Variants in PACRG observed in about 807,000 individuals in gnomAD.
PACRG encodes parkin coregulated.
A neutral mutation model predicts 29.7 loss-of-function variants in PACRG; 29 were observed. The observed-to-expected ratio is 0.98, with a 90% confidence interval of 0.73 to 1.33. PACRG has a LOEUF of 1.33. Among genes scored for constraint, PACRG ranks in the 40% most tolerant of loss-of-function variants. The pLI, the probability that PACRG is intolerant of heterozygous loss-of-function variation, is 0.00. For synonymous variants in PACRG, 116 were observed against 118.7 expected, an observed-to-expected ratio of 0.98 and a Z score of 0.15; for missense variants, 279 against 316.2, an observed-to-expected ratio of 0.88 and a Z score of 0.89.
At chr6:162,819,737 G>A (rs182158500) in intron 2 of PACRG, among the ~76,000 whole-genome samples, 171 of 152,274 alleles carry the variant, frequency 1.1e-3, no homozygotes, top group African/African-American at 3.7e-3. Context: ...CTCTTGCTTC[G>A]TAGGCCTCAC....
chr6:162,797,979 A>G (rs527649226), intron 1 of PACRG, among the ~76,000 whole-genome samples: 70 of 152,288 alleles, frequency 4.6e-4, no homozygotes, highest in African/African-American at 1.7e-3. Flanking sequence ...AATTCCTGGC[A>G]AGCTATTTGG....
chr6:163,192,079 G>A, intron 4 of PACRG: 1 of 209,210 alleles, frequency 4.8e-6, no homozygotes, highest in Non-Finnish European at 9.8e-6. Context: ...GCACAGTTGT[G>A]CAGCTGCCTC....
chr6:163,088,598 C>T (rs1336524506), intron 3 of PACRG, among the ~76,000 whole-genome samples: 19 of 152,216 alleles, frequency 1.2e-4, no homozygotes, highest in Non-Finnish European at 1.2e-4. Context: ...CTCTGCAGTA[C>T]AGCTTGTTAC....
intron 4 of PACRG, among the ~76,000 whole-genome samples, chr6:163,227,530 C>T (rs1002105316): frequency 3.3e-5 from 5 of 152,140 alleles, no homozygotes; most frequent in Non-Finnish European, 5.9e-5. Context: ...GGAAAGATAA[C>T]GAGAGGACTG....
chr6:163,048,633 G>A (rs1365344238), intron 2 of PACRG, among the ~76,000 whole-genome samples: 3 of 152,140 alleles, frequency 2.0e-5, no homozygotes, highest in Non-Finnish European at 4.4e-5. Flanking sequence ...TTCTTAAAAA[G>A]AGTCAGTACA....
chr6:163,039,950 A>C (rs1323088852), intron 2 of PACRG, among the ~76,000 whole-genome samples: 1 of 152,230 alleles, frequency 6.6e-6, no homozygotes, highest in Admixed American at 6.5e-5. Context: ...AATGTGCATA[A>C]GTAATGAGAT....
At chr6:162,793,726 C>CT (rs1562603116) in intron 1 of PACRG, among the ~76,000 whole-genome samples, 2 of 152,198 alleles carry the variant, frequency 1.3e-5, no homozygotes, top group African/African-American at 2.4e-5. Context: ...AATTTGGACT[C>CT]TTTAGCAAAT....
At chr6:163,027,049 A>G (rs1164976789) in intron 2 of PACRG, among the ~76,000 whole-genome samples, 3 of 152,204 alleles carry the variant, frequency 2.0e-5, no homozygotes, top group Non-Finnish European at 4.4e-5. Flanking sequence ...CAAAAGGAGC[A>G]CTCAAGACAA....
At chr6:162,797,827 TTA>T (rs1046824714) in intron 1 of PACRG, among the ~76,000 whole-genome samples, 6 of 152,170 alleles carry the variant, frequency 3.9e-5, no homozygotes, top group African/African-American at 9.7e-5. Flanking sequence ...AGTTTCATTT[TTA>T]TATATTGAGT....
intron 3 of PACRG, among the ~76,000 whole-genome samples, chr6:163,085,179 G>A (rs1034347364): frequency 6.6e-6 from 1 of 152,092 alleles, no homozygotes; most frequent in Non-Finnish European, 1.5e-5. Flanking sequence ...ATGAAATGGA[G>A]TGAGGACTGT....
intron 2 of PACRG, among the ~76,000 whole-genome samples, chr6:162,827,356 A>G (rs1788375165): frequency 6.6e-6 from 1 of 152,228 alleles, no homozygotes; most frequent in Non-Finnish European, 1.5e-5. Flanking sequence ...AATTTAGTAG[A>G]TGGTTCATTT....
intron 4 of PACRG, chr6:163,190,229 A>G (rs776931754): frequency 2.0e-4 from 31 of 152,192 alleles, no homozygotes; most frequent in South Asian, 2.1e-4. Flanking sequence ...TTGCCTAAAT[A>G]TAATACAAAT....
At chr6:163,022,059 C>T (rs532506724) in intron 2 of PACRG, among the ~76,000 whole-genome samples, 23 of 152,180 alleles carry the variant, frequency 1.5e-4, no homozygotes, top group Non-Finnish European at 2.6e-4. Flanking sequence ...CAGTGGTCTT[C>T]GGCCACACAC....
At chr6:163,300,695 T>C (rs953646914) in intron 4 of PACRG, among the ~76,000 whole-genome samples, 1 of 152,238 alleles carries the variant, frequency 6.6e-6, no homozygotes, top group Admixed American at 6.5e-5. Flanking sequence ...AACCGGAATA[T>C]AAATTATTTT....
At position 162,887,326 on chromosome 6, in the gene PACRG, C is replaced by T. The variant is rs74417706; in HGVS notation, c.291+73045C>T. Among the ~76,000 whole-genome samples, 564 of 152,272 alleles carry T rather than the reference C, an allele frequency of 3.7e-3. 3 individuals are homozygous for T. Among genetic ancestry groups the T allele is most frequent in the African/African-American group, 0.013 (541 of 41,544 alleles). On this transcript the variant is annotated intron_variant, in intron 2 of 4. Transcript: ENST00000366888. ...AGCAATGACCAGGCTGAAGCAAGTT[C>T]CTCCCAGATAGTTCCATCTTTGCAA... is the stretch of plus-strand genomic sequence containing the variant.
chr6:162,740,716 C>T (rs990023256), intron 1 of PACRG, among the ~76,000 whole-genome samples: 12 of 151,902 alleles, frequency 7.9e-5, no homozygotes, highest in African/African-American at 2.4e-4. Flanking sequence ...TCTCCTGCCT[C>T]AGCCTCCAAA....
At chr6:162,810,305 C>A (rs1293235524) in intron 1 of PACRG, among the ~76,000 whole-genome samples, 1 of 152,176 alleles carries the variant, frequency 6.6e-6, no homozygotes, top group Non-Finnish European at 1.5e-5. Context: ...CTTCCCCCAA[C>A]CTTTGCCAGA....
chr6:163,062,314 G>T lies in PACRG; in HGVS notation c.456G>T (p.Pro152=). 25 of 1,607,488 alleles carry T rather than the reference G, an allele frequency of 1.6e-5. No homozygotes were observed. The highest frequency in any genetic ancestry group is 2.1e-5 in the Non-Finnish European group (25 of 1,177,930). The change falls in exon 3 of 5, where the codon CCG becomes CCT. Residue 152 remains proline (P), a synonymous_variant. Transcript: ENST00000366888. The stretch of plus-strand genomic sequence containing the variant: ...CTGTCCTTCCACAGCTCATTATCCC[G>T]ATAAAAAGTAAGTGAACCGGTGAAA... The part of the protein sequence containing the change: ...ILPVLPQLII[P]IKNALNLRNR...
chr6:163,123,501 T>C (rs935283286), intron 4 of PACRG, among the ~76,000 whole-genome samples: 3 of 151,502 alleles, frequency 2.0e-5, no homozygotes, highest in African/African-American at 7.3e-5. Flanking sequence ...TGCCTAAAAA[T>C]TATTTCTTAA....
Sources: allele counts gnomAD v4.1 joint callset (sites outside exome capture counted in the v4.1 genomes callset), GRCh38; gene constraint gnomAD v4.1.1; transcripts MANE v1.5; gene names NCBI Gene and HGNC (gene_info 2026-07-23, HGNC 2026-07-21).